The following ZNF891 variants were observed in gnomAD, a reference collection of about 807,000 sequenced individuals.
ZNF891 encodes hCG1646157.
For synonymous variants in ZNF891, 199 were observed against 209.0 expected, an observed-to-expected ratio of 0.95 and a Z score of 0.41; for missense variants, 589 against 632.7, an observed-to-expected ratio of 0.93 and a Z score of 0.74.
chr12:133,106,238 A>C lies in ZNF891; in HGVS notation c.*14046T>G, dbSNP rs1955588786. ...TTTCTCACACCTTACTCGACATCAGAGCATCCATACAACCAAAACCCCGTA... is the reference window on the plus strand; with the variant it reads ...TTTCTCACACCTTACTCGACATCAGCGCATCCATACAACCAAAACCCCGTA... On this transcript the variant is annotated 3_prime_UTR_variant, in exon 2 of 2. Transcript: ENST00000537226. 1 of 1,614,114 alleles carries C rather than the reference A, an allele frequency of 6.2e-7. No individual in the cohort carries two copies. The highest frequency in any genetic ancestry group is 1.7e-5 in the Admixed American group (1 of 60,000).
chr12:133,129,214 A>G (rs10870582), intron 1 of ZNF891, among the ~76,000 whole-genome samples: 54,761 of 151,940 alleles, frequency 0.36, 11,154 homozygotes, highest in African/African-American at 0.56. Flanking sequence ...TAAAAAATTG[A>G]GTCAGGGCCG....
rs1483495571 is a variant in ZNF891, at chr12:133,119,139, G to A, written c.*1145C>T. 1 of 151,522 alleles carries A rather than the reference G, an allele frequency of 6.6e-6. No individual in the cohort carries two copies. Among genetic ancestry groups the A allele is most frequent in the Non-Finnish European group, 1.5e-5 (1 of 67,958 alleles). The allele number at this position is 151,522 out of a possible 1,614,324, so 9.4% of individuals were successfully genotyped here. Reference sequence around the variant, plus strand: ...CTGAGGAGACTGTGGTGGATCACCTGAGCCCAGGAGGTCGAGGTTGCAATG... The same window carrying A: ...CTGAGGAGACTGTGGTGGATCACCTAAGCCCAGGAGGTCGAGGTTGCAATG... On this transcript the variant is annotated 3_prime_UTR_variant, in exon 2 of 2. Transcript: ENST00000537226.
chr12:133,129,775 G>A (rs1955856789), intron 1 of ZNF891, among the ~76,000 whole-genome samples: 1 of 152,140 alleles, frequency 6.6e-6, no homozygotes, highest in Admixed American at 6.5e-5. Flanking sequence ...ATACACCAGA[G>A]TATTAAAGAA....
Position 133,110,325 on chromosome 12 carries a change from A to G in ZNF891, c.*9959T>C, listed in dbSNP as rs1250460999. ...TCTGGGGACTGGTTAAGTGTGTTCT[A>G]TTTGGGGAAATTCATAAAGCTGCAT... On this transcript the variant is annotated 3_prime_UTR_variant, in exon 2 of 2. Transcript: ENST00000537226. 6.6e-6 allele frequency: 1 copy of G among 152,174 alleles called. No individual in the cohort carries two copies. Among genetic ancestry groups the G allele is most frequent in the Non-Finnish European group, 1.5e-5 (1 of 68,020 alleles). The allele number at this position is 152,174 out of a possible 1,614,324, so 9.4% of individuals were successfully genotyped here. A position where few individuals can be genotyped will look rare whatever the true frequency, so the allele number is the denominator to read the frequency against.
At chr12:133,126,029 G>A (rs2062719) in intron 1 of ZNF891, 150,570 of 262,256 alleles carry the variant, frequency 0.57, 43,153 homozygotes, top group Non-Finnish European at 0.63. Context: ...TTGGTACACT[G>A]TACTACTATA....
rs1309850705 is a variant in ZNF891 at position 133,118,490 on chromosome 12, G to A, written c.*1794C>T. ...TGCGTACCAACCTCTTCATCTGGAT[G>A]TCTCACCATCCTCTGAGGCTAACAT... On this transcript the variant is annotated 3_prime_UTR_variant, in exon 2 of 2. Coordinates refer to ENST00000537226, the MANE Select transcript of ZNF891 (RefSeq NM_001277291.2). 6.6e-6 allele frequency: 1 copy of A among 152,168 alleles called. No individual in the cohort carries two copies. The highest frequency in any genetic ancestry group is 6.5e-5 in the Admixed American group (1 of 15,272). 9.4% of individuals were successfully genotyped at this position (152,168 alleles called of 1,614,324 possible).
In ZNF891 at chr12:133,120,979, T is replaced by A. The variant is rs1955752456; in HGVS notation, c.940A>T (p.Thr314Ser). The change falls in exon 2 of 2, where the codon ACT becomes TCT. Residue 314 changes from threonine (T) to serine (S), a missense_variant. By Grantham distance (58) the Thr-to-Ser change is moderately conservative (BLOSUM62 1). Coordinates refer to ENST00000537226, the MANE Select transcript of ZNF891 (RefSeq NM_001277291.2). ...HQSSLKKQGQ[T>S]HTEKKHECNQ... ...CATTCATGTTTCTTTTCAGTATGAG[T>A]TTGTCCTTGTTTCTTAAGGGATGAT... 6.5e-7 allele frequency: 1 copy of A among 1,535,628 alleles called. No homozygotes were observed. The highest frequency in any genetic ancestry group is 2.0e-5 in the Admixed American group (1 of 50,984).
Position 133,117,518 on chromosome 12 carries a change from G to T in ZNF891, c.*2766C>A, listed in dbSNP as rs1955721987. On this transcript the variant is annotated 3_prime_UTR_variant, in exon 2 of 2. Coordinates refer to ENST00000537226, the MANE Select transcript of ZNF891 (RefSeq NM_001277291.2). ...TTCTACTCCTGAAAGAATGGTGGGA[G>T]TATCCCTCCGCCTCATGGCAAACAC... 6.6e-6 allele frequency: 1 copy of T among 152,204 alleles called. No individual in the cohort carries two copies. Among genetic ancestry groups the T allele is most frequent in the South Asian group, 2.1e-4 (1 of 4,828 alleles). The allele number at this position is 152,204 out of a possible 1,614,324, so 9.4% of individuals were successfully genotyped here.
chr12:133,105,568 C>T lies in ZNF891; in HGVS notation c.*14716G>A. The T allele has an allele frequency of 6.2e-7, 1 of 1,613,772 alleles. No individual in the cohort carries two copies. On this transcript the variant is annotated 3_prime_UTR_variant, in exon 2 of 2. Transcript: ENST00000537226. ...CACCAAAAAATGTCATTTATGATGACTCATCCCAGTATTTGATCATGGAAA... is the reference window on the plus strand; with the variant it reads ...CACCAAAAAATGTCATTTATGATGATTCATCCCAGTATTTGATCATGGAAA...
intron 1 of ZNF891, among the ~76,000 whole-genome samples, chr12:133,123,377 A>G (rs963876791): frequency 6.6e-6 from 1 of 152,210 alleles, no homozygotes; most frequent in Non-Finnish European, 1.5e-5. Flanking sequence ...GGTTTTGTGC[A>G]TGGGGGTATT....
At chr12:133,128,832 GA>G (rs893670826) in intron 1 of ZNF891, among the ~76,000 whole-genome samples, 3 of 145,984 alleles carry the variant, frequency 2.1e-5, no homozygotes, top group African/African-American at 7.5e-5. Context: ...CAAAGTAAAA[GA>G]AAAATTTAAA....
chr12:133,121,410 C>A lies in ZNF891; in HGVS notation c.509G>T (p.Gly170Val), dbSNP rs192812171. 3.1e-5 allele frequency: 47 copies of A among 1,536,070 alleles called. No homozygotes were observed. The Admixed American group carries it at 5.3e-4, about 17-fold the overall frequency. Residue 170 changes from glycine (G) to valine (V), a missense_variant, in exon 2 of 2, where the codon GGA becomes GTA. Transcript: ENST00000537226. ...KIRKQHKIPG[G>V]HWRQMIYAPK... Reference sequence around the variant, plus strand: ...GGCATATATCATTTGCCTCCAATGTCCCCCTGGAATCTTATGCTGTTTTCT... The same window carrying A: ...GGCATATATCATTTGCCTCCAATGTACCCCTGGAATCTTATGCTGTTTTCT...
chr12:133,121,251 A>G lies in ZNF891; in HGVS notation c.668T>C (p.Ile223Thr), dbSNP rs1467473926. 9 of 1,535,590 alleles carry G rather than the reference A, an allele frequency of 5.9e-6. No homozygotes were observed. The highest frequency in any genetic ancestry group is 2.0e-5 in the Admixed American group (1 of 50,968). Reference protein sequence around the residue: ...SKHCQKCYSEIGCLKHNSIIN... With the variant: ...SKHCQKCYSETGCLKHNSIIN... ...GATTGAATTGTGTTTCAAACATCCA[A>G]TCTCTGAGTAACATTTTTGGCAATG... Residue 223 changes from isoleucine (I) to threonine (T), a missense_variant, in exon 2 of 2, where the codon ATT becomes ACT. Ile to Thr is a moderately conservative substitution (Grantham distance 89, BLOSUM62 -1). Transcript: ENST00000537226.
In ZNF891 at chr12:133,113,437, C is replaced by G. The variant is rs1244469407; in HGVS notation, c.*6847G>C. The G allele has an allele frequency of 1.3e-5, 2 of 151,964 alleles. No individual in the cohort carries two copies. The highest frequency in any genetic ancestry group is 4.8e-5 in the African/African-American group (2 of 41,378). 9.4% of individuals were successfully genotyped at this position (151,964 alleles called of 1,614,324 possible). On this transcript the variant is annotated 3_prime_UTR_variant, in exon 2 of 2. Coordinates refer to ENST00000537226, the MANE Select transcript of ZNF891 (RefSeq NM_001277291.2). ...TATAACATGCATTAAAAAGTCATAC[C>G]ATATTTTGTGACTGTTTAAAATTCA... is the stretch of plus-strand genomic sequence containing the variant.
intron 1 of ZNF891, among the ~76,000 whole-genome samples, chr12:133,125,093 T>C (rs1955802060): frequency 6.6e-6 from 1 of 152,154 alleles, no homozygotes; most frequent in African/African-American, 2.4e-5. Flanking sequence ...ATAAACATTA[T>C]CTGGACCATG....
chr12:133,124,715 C>T (rs1043808014), intron 1 of ZNF891, among the ~76,000 whole-genome samples: 2 of 145,536 alleles, frequency 1.4e-5, no homozygotes, highest in Non-Finnish European at 3.0e-5. Context: ...AGAATTCAAT[C>T]GTATGCTAAA....
chr12:133,105,650 G>T lies in ZNF891; in HGVS notation c.*14634C>A. On this transcript the variant is annotated 3_prime_UTR_variant, in exon 2 of 2. Transcript: ENST00000537226. ...TTTTAAAGGAGGCTGGAAATGCAAG[G>T]ATCATACTGAGATGCTGCAAGAAAA... 6.2e-7 allele frequency: 1 copy of T among 1,614,160 alleles called. No homozygotes were observed. The highest frequency in any genetic ancestry group is 1.1e-5 in the South Asian group (1 of 91,070).
chr12:133,116,325 C>G lies in ZNF891; in HGVS notation c.*3959G>C, dbSNP rs1463362552. The G allele has an allele frequency of 2.6e-5, 4 of 152,326 alleles. No homozygotes were observed. The highest frequency in any genetic ancestry group is 3.4e-3 in the Middle Eastern group (1 of 294). 9.4% of individuals were successfully genotyped at this position (152,326 alleles called of 1,614,324 possible). ...TTCATCATGTTAGCCAGGATGGTCT[C>G]AATCTCCTGACCTCGTGATCCGCCT... On this transcript the variant is annotated 3_prime_UTR_variant, in exon 2 of 2. Coordinates refer to ENST00000537226, the MANE Select transcript of ZNF891 (RefSeq NM_001277291.2).
intron 1 of ZNF891, among the ~76,000 whole-genome samples, chr12:133,129,597 CGGTGAGGGGT>C (rs1955854358): frequency 6.7e-6 from 1 of 150,208 alleles, no homozygotes; most frequent in Admixed American, 6.6e-5. Flanking sequence ...GGGCGGGGGG[CGGTGAGGGGT>C]GGTGACCTGT....
Sources: allele counts gnomAD v4.1 joint callset (sites outside exome capture counted in the v4.1 genomes callset), GRCh38; gene constraint gnomAD v4.1.1; transcripts MANE v1.5; gene names NCBI Gene and HGNC (gene_info 2026-07-23, HGNC 2026-07-21).